Variants in BANF2 observed in about 807,000 individuals in gnomAD.
BANF2 encodes the protein BANF family member 2.
Under a neutral mutation model 8.0 loss-of-function variants are expected in BANF2, and 4 were observed. The ratio of observed to expected loss-of-function variants is 0.50; its 90% CI spans 0.25 to 1.14. The LOEUF (loss-of-function observed/expected upper bound fraction) is 1.14. BANF2 is among the 50% of genes most tolerant of loss of function. The probability of loss-of-function intolerance (pLI) is 0.16; values close to 1 mark genes in which losing one functional copy is unlikely to be tolerated. For synonymous variants in BANF2, 50 were observed against 40.6 expected (o/e 1.23, Z -0.88); for missense variants, 96 against 107.5 (o/e 0.89, Z 0.47).
chr20:17,707,400 A>G (rs2122581692), intron 1 of BANF2, among the ~76,000 whole-genome samples: 1 of 151,862 alleles, frequency 6.6e-6, no homozygotes, highest in African/African-American at 2.4e-5. Context: ...AGAAAATCCC[A>G]GTAAGGATTT....
upstream of BANF2, among the ~76,000 whole-genome samples, chr20:17,699,379 C>A (rs563346495): frequency 1.5e-4 from 23 of 152,282 alleles, no homozygotes; most frequent in South Asian, 4.6e-3. Flanking sequence ...GGCATATATG[C>A]TATAGAGGAT....
At chr20:17,735,035 C>T (rs1315843310) in intron 3 of BANF2, among the ~76,000 whole-genome samples, 3 of 152,104 alleles carry the variant, frequency 2.0e-5, no homozygotes, top group South Asian at 2.1e-4. Flanking sequence ...GCCGAGATCA[C>T]GCCATTGCAC....
chr20:17,695,990 A>G (rs2037343856), upstream of BANF2, among the ~76,000 whole-genome samples: 1 of 152,214 alleles, frequency 6.6e-6, no homozygotes, highest in African/African-American at 2.4e-5. Context: ...TCATGTCATC[A>G]TATATGCATC....
chr20:17,725,084 A>T lies in BANF2; in HGVS notation c.59A>T (p.Asp20Val). The part of the protein sequence containing the change: ...AFLSEPIGEK[D>V]VCWVDGISHE... ...CTCTCCGAACCCATTGGAGAAAAGG[A>T]TGTCTGCTGGGTGGATGGCATCAGC... Residue 20 changes from aspartate to valine, a missense_variant, in exon 3 of 4, where the codon GAT becomes GTT. Transcript: ENST00000246090. 2 of 1,610,802 alleles carry T rather than the reference A, an allele frequency of 1.2e-6. No homozygotes were observed. Among genetic ancestry groups the T allele is most frequent in the Non-Finnish European group, 1.7e-6 (2 of 1,176,914 alleles).
intron 2 of BANF2, among the ~76,000 whole-genome samples, chr20:17,724,451 C>A (rs1170323474): frequency 1.3e-5 from 2 of 152,106 alleles, no homozygotes; most frequent in South Asian, 2.1e-4. Flanking sequence ...GGGAGCCAAG[C>A]AAGAATAAAG....
At chr20:17,695,746 T>G (rs1447697271), upstream of BANF2, among the ~76,000 whole-genome samples, 1 of 152,170 alleles carries the variant, frequency 6.6e-6, no homozygotes, top group Non-Finnish European at 1.5e-5. Flanking sequence ...TTTTGACAAA[T>G]GTATACACCC....
At position 17,722,753 on chromosome 20, in the gene BANF2, C is replaced by A. The variant is rs2037751157; in HGVS notation, c.-129C>A. ...CATCAAGGCCACTTTTCTTAGGAGC[C>A]CCCTGACTTCCAAAATCAGTGCCTT... On this transcript the variant is annotated 5_prime_UTR_variant, in exon 2 of 4. Coordinates refer to ENST00000246090, the MANE Select transcript of BANF2 (RefSeq NM_178477.5). 6 of 984,762 alleles carry A rather than the reference C, an allele frequency of 6.1e-6. No individual in the cohort carries two copies. The highest frequency in any genetic ancestry group is 7.2e-6 in the Non-Finnish European group (6 of 829,348). The allele number at this position is 984,762 out of a possible 1,614,324, so 61.0% of individuals were successfully genotyped here.
intron 1 of BANF2, among the ~76,000 whole-genome samples, chr20:17,716,247 G>C (rs141405576): frequency 6.6e-6 from 1 of 152,368 alleles, no homozygotes; most frequent in East Asian, 1.9e-4. Flanking sequence ...CAGCCTGACA[G>C]GGTCTCCTCA....
upstream of BANF2, among the ~76,000 whole-genome samples, chr20:17,696,467 T>C (rs1211815576): frequency 6.6e-6 from 1 of 152,350 alleles, no homozygotes; most frequent in Non-Finnish European, 1.5e-5. Flanking sequence ...CACATCTTTG[T>C]CAACACTTAG....
intron 1 of BANF2, among the ~76,000 whole-genome samples, chr20:17,710,817 C>T (rs1244926570): frequency 6.6e-6 from 1 of 152,080 alleles, no homozygotes; most frequent in Non-Finnish European, 1.5e-5. Flanking sequence ...GGCGGCTGAG[C>T]CAGGAGTGGA....
At chr20:17,704,627 C>T (rs1052654508) in intron 1 of BANF2, among the ~76,000 whole-genome samples, 8 of 152,248 alleles carry the variant, frequency 5.3e-5, no homozygotes, top group Non-Finnish European at 1.2e-4. Context: ...TCATGCATTG[C>T]TTTATCAGCC....
chr20:17,733,111 G>T (rs2037925725), intron 3 of BANF2, among the ~76,000 whole-genome samples: 1 of 152,196 alleles, frequency 6.6e-6, no homozygotes, highest in African/African-American at 2.4e-5. Flanking sequence ...GTTTGCCCAG[G>T]GTCCACATGT....
At chr20:17,732,835 G>T (rs1196142476) in intron 3 of BANF2, among the ~76,000 whole-genome samples, 1 of 152,178 alleles carries the variant, frequency 6.6e-6, no homozygotes. Context: ...AGGGAAAGGG[G>T]CAGCATCTTT....
At chr20:17,734,617 C>G (rs1413062840) in intron 3 of BANF2, among the ~76,000 whole-genome samples, 3 of 152,164 alleles carry the variant, frequency 2.0e-5, no homozygotes, top group Admixed American at 1.3e-4. Flanking sequence ...ATTTTGCCCC[C>G]AAGGGACATT....
At chr20:17,707,106 G>A (rs1182540988) in intron 1 of BANF2, among the ~76,000 whole-genome samples, 6 of 152,070 alleles carry the variant, frequency 3.9e-5, no homozygotes, top group Non-Finnish European at 7.4e-5. Flanking sequence ...AATCCCAGCC[G>A]GGCGCAGTGG....
chr20:17,707,025 A>T (rs1203344239), intron 1 of BANF2, among the ~76,000 whole-genome samples: 3 of 152,168 alleles, frequency 2.0e-5, no homozygotes, highest in Non-Finnish European at 4.4e-5. Context: ...CGGGGACCAC[A>T]TCTTGGCACT....
chr20:17,693,780 A>G, intron 1 of BANF2: 2 of 1,510,022 alleles, frequency 1.3e-6, no homozygotes, highest in Non-Finnish European at 1.8e-6. Flanking sequence ...AGGACAAATC[A>G]CCTGGCTAGG....
At position 17,735,829 on chromosome 20, in the gene BANF2, G is replaced by GC. The variant is rs774185648; in HGVS notation, c.*24dup. Reference sequence around the variant, plus strand: ...TCCTGTAGACACAAACCTCATTGCTGCCCCCCACCACCCTCTGGGGAAAAT... The same window carrying GC: ...TCCTGTAGACACAAACCTCATTGCTGCCCCCCCACCACCCTCTGGGGAAAAT... On this transcript the variant is annotated 3_prime_UTR_variant, in exon 4 of 4. Transcript: ENST00000246090. 1.6e-5 allele frequency: 25 copies of GC among 1,603,444 alleles called. No individual in the cohort carries two copies. The East Asian group carries it at 5.2e-4, about 33-fold the overall frequency.
chr20:17,721,858 A>C (rs1323586652), intron 1 of BANF2, among the ~76,000 whole-genome samples: 1 of 152,178 alleles, frequency 6.6e-6, no homozygotes, highest in African/African-American at 2.4e-5. Context: ...AGGATTTTTC[A>C]TTACTTATAG....
Sources: allele counts gnomAD v4.1 joint callset (sites outside exome capture counted in the v4.1 genomes callset), GRCh38; gene constraint gnomAD v4.1.1; transcripts MANE v1.5; gene names NCBI Gene and HGNC (gene_info 2026-07-23, HGNC 2026-07-21).